KMT2C: variants seen among roughly 807,000 people sequenced by gnomAD.
KMT2C encodes the protein lysine methyltransferase 2C.
KMT2C carries 88 observed loss-of-function variants against 507.9 expected under a neutral mutation model. That is an observed-to-expected ratio of 0.17 (90% CI 0.15 to 0.21). The LOEUF (loss-of-function observed/expected upper bound fraction) is 0.21, where lower values mean the gene tolerates loss of function less well. Ranked by LOEUF, KMT2C falls within the 10% of genes least tolerant of loss-of-function variation. The probability of loss-of-function intolerance (pLI) is 1.00; values close to 1 mark genes in which losing one functional copy is unlikely to be tolerated. For synonymous variants in KMT2C, 2,049 were observed against 2,080.8 expected (o/e 0.98, Z 0.42); for missense variants, 4,954 against 5,957.8 (o/e 0.83, Z 5.55).
At chr7:152,288,866 G>A (rs2096355449) in intron 6 of KMT2C, among the ~76,000 whole-genome samples, 1 of 152,250 alleles carries the variant, frequency 6.6e-6, no homozygotes, top group Non-Finnish European at 1.5e-5. Context: ...ATGGAGGCCA[G>A]AACAAAGCAG....
intron 1 of KMT2C, among the ~76,000 whole-genome samples, chr7:152,391,426 G>A (rs1308544538): frequency 6.6e-6 from 1 of 151,292 alleles, no homozygotes; most frequent in Non-Finnish European, 1.5e-5. Context: ...ATTTTTAGTA[G>A]AGACAGGGTT....
At chr7:152,258,995 G>A (rs1179229473) in intron 9 of KMT2C, among the ~76,000 whole-genome samples, 1 of 152,186 alleles carries the variant, frequency 6.6e-6, no homozygotes, top group Non-Finnish European at 1.5e-5. Context: ...AATAATGTGT[G>A]CTTCCAGCTG....
intron 49 of KMT2C, among the ~76,000 whole-genome samples, chr7:152,151,996 A>T (rs1190788098): frequency 6.6e-6 from 1 of 152,254 alleles, no homozygotes; most frequent in East Asian, 1.9e-4. Context: ...TTGCAGAGTC[A>T]GAAATGAGGA....
chr7:152,340,891 G>A (rs1246904093), intron 2 of KMT2C, among the ~76,000 whole-genome samples: 1 of 151,982 alleles, frequency 6.6e-6, no homozygotes, highest in African/African-American at 2.4e-5. Context: ...AGGATAGACT[G>A]CTAATAAATG....
At chr7:152,354,237 G>A (rs1471910539) in intron 2 of KMT2C, among the ~76,000 whole-genome samples, 1 of 152,116 alleles carries the variant, frequency 6.6e-6, no homozygotes, top group Non-Finnish European at 1.5e-5. Context: ...GTCCATTCGT[G>A]GGGCTTACTA....
chr7:152,267,129 T>C (rs1164051555), intron 7 of KMT2C, among the ~76,000 whole-genome samples: 3 of 152,276 alleles, frequency 2.0e-5, no homozygotes, highest in Admixed American at 2.0e-4. Flanking sequence ...TGCTGGAGTT[T>C]CTTAGGATTT....
intron 9 of KMT2C, 96 bp from the exon 10 acceptor site, chr7:152,252,811 G>T: frequency 1.2e-6 from 1 of 860,458 alleles, no homozygotes; most frequent in Non-Finnish European, 1.7e-6. Context: ...ATCATTTGTG[G>T]ATTATACATT....
intron 48 of KMT2C, 101 bp downstream of exon 48, chr7:152,153,909 C>T: frequency 8.3e-7 from 1 of 1,198,036 alleles, no homozygotes; most frequent in Non-Finnish European, 1.2e-6. Context: ...ACCCTTTATC[C>T]TCAGTGATCC....
rs1378249531 is a variant in KMT2C, at chr7:152,182,606, G to A, written c.5266-12C>T. On this transcript the variant is annotated splice_polypyrimidine_tract_variant and intron_variant, in intron 35 of 58. Transcript: ENST00000262189. ...TTCTGACGCATTTGCTATTAAAATA[G>A]AAAAGAAAAAGCAATCATATTTAGG... 2.6e-6 allele frequency: 4 copies of A among 1,529,666 alleles called. No homozygotes were observed. Among genetic ancestry groups the A allele is most frequent in the Non-Finnish European group, 1.8e-6 (2 of 1,140,774 alleles). The allele number at this position is 1,529,666 out of a possible 1,614,324, so 94.8% of individuals were successfully genotyped here.
At chr7:152,225,600 T>C (rs2094903021) in intron 18 of KMT2C, among the ~76,000 whole-genome samples, 1 of 152,162 alleles carries the variant, frequency 6.6e-6, no homozygotes, top group Non-Finnish European at 1.5e-5. Context: ...ATAAAGTTAC[T>C]TAGAGATATG....
chr7:152,189,478 T>C (rs6464212), intron 31 of KMT2C, among the ~76,000 whole-genome samples: 9,519 of 152,206 alleles, frequency 0.063, 1,032 homozygotes, highest in African/African-American at 0.22. Flanking sequence ...ACCTGATCAC[T>C]TGATTTTTTT....
intron 4 of KMT2C, among the ~76,000 whole-genome samples, chr7:152,314,027 A>T (rs762516162): frequency 2.0e-5 from 3 of 152,078 alleles, no homozygotes; most frequent in Non-Finnish European, 2.9e-5. Flanking sequence ...TGGCCTTTTG[A>T]TTATTTTATT....
rs149122737 is a variant in KMT2C at position 152,340,622 on chromosome 7, T to C, written c.251-9883A>G. On this transcript the variant is annotated intron_variant, in intron 2 of 58. Transcript: ENST00000262189. ...ACACTGATTAATAATATGAATATAG[T>C]TGCTGCTTTCACAGAACAATGTAAG... Among the ~76,000 whole-genome samples, 1,474 of 152,254 alleles carry C rather than the reference T, an allele frequency of 9.7e-3. 31 individuals are homozygous for C. The highest frequency in any genetic ancestry group is 0.033 in the African/African-American group (1,370 of 41,556).
intron 6 of KMT2C, 147 bp downstream of exon 6, chr7:152,309,819 C>G: frequency 1.7e-6 from 1 of 574,068 alleles, no homozygotes; most frequent in Non-Finnish European, 3.0e-6. Flanking sequence ...CCATACCTGG[C>G]CTAGAATTTC....
At chr7:152,414,363 C>G (rs541794588) in intron 1 of KMT2C, among the ~76,000 whole-genome samples, 66 of 151,888 alleles carry the variant, frequency 4.3e-4, no homozygotes, top group African/African-American at 1.5e-3. Flanking sequence ...AACCCCATCT[C>G]TACTAAAAAT....
At position 152,162,866 on chromosome 7, in the gene KMT2C, C is replaced by T. The variant is rs2092530490; in HGVS notation, c.10711G>A (p.Gly3571Ser). 1.9e-6 allele frequency: 3 copies of T among 1,614,002 alleles called. No homozygotes were observed. The Admixed American group carries it at 5.0e-5, about 27-fold the overall frequency. ...CCATGGGTTATAGTAGAATCTTGGCCACATGGGAGACTGCTATTAGCTACT... is the reference window on the plus strand; with the variant it reads ...CCATGGGTTATAGTAGAATCTTGGCTACATGGGAGACTGCTATTAGCTACT... ...PPVANSSLPC[G>S]QDSTITHGHS... Residue 3571 changes from glycine to serine, a missense_variant, in exon 43 of 59, where the codon GGC becomes AGC. By Grantham distance (56) the Gly-to-Ser change is moderately conservative. Coordinates refer to ENST00000262189, the MANE Select transcript of KMT2C (RefSeq NM_170606.3).
intron 1 of KMT2C, among the ~76,000 whole-genome samples, chr7:152,414,815 G>A (rs1466223533): frequency 6.6e-6 from 1 of 151,818 alleles, no homozygotes; most frequent in Non-Finnish European, 1.5e-5. Flanking sequence ...TTTCATTAAG[G>A]TAATGAAATA....
At position 152,180,794 on chromosome 7, in the gene KMT2C, G is replaced by C. The variant is rs1212592348; in HGVS notation, c.7066C>G (p.Pro2356Ala). 4 of 1,614,162 alleles carry C rather than the reference G, an allele frequency of 2.5e-6. No individual in the cohort carries two copies. In the East Asian group the frequency reaches 8.9e-5, roughly 36 times the overall value. The change falls in exon 36 of 59, where the codon CCT becomes GCT. Residue 2356 changes from proline to alanine, a missense_variant. Physicochemically the swap from Pro to Ala is conservative, Grantham distance 27 (BLOSUM62 -1). Coordinates refer to ENST00000262189, the MANE Select transcript of KMT2C (RefSeq NM_170606.3). ...GQQFSGVSQL[P>A]GPVPTSGVTD... ...ACTCCTGAAGTTGGCACAGGTCCAG[G>C]AAGTTGGGAGACACCAGAGAACTGC...
intron 1 of KMT2C, among the ~76,000 whole-genome samples, chr7:152,428,857 G>A (rs2097844720): frequency 6.6e-6 from 1 of 152,090 alleles, no homozygotes; most frequent in East Asian, 1.9e-4. Flanking sequence ...GCAGCCTACT[G>A]TTCATTTAAA....
Sources: gnomAD v4.1 joint callset for allele counts (sites outside exome capture counted in the v4.1 genomes callset) on GRCh38, gnomAD v4.1.1 for gene constraint, MANE v1.5 for transcripts, NCBI Gene and HGNC (gene_info 2026-07-23, HGNC 2026-07-21) for gene names.